ZNF407: variants seen among roughly 807,000 people sequenced by gnomAD.
ZNF407 encodes zinc finger protein 407.
ZNF407 carries 17 observed loss-of-function variants against 131.2 expected under a neutral mutation model. That is an observed-to-expected ratio of 0.13 (90% confidence interval 0.09 to 0.19). The LOEUF (loss-of-function observed/expected upper bound fraction) is 0.19. Ranked by LOEUF, ZNF407 falls within the 10% of genes least tolerant of loss-of-function variation. The pLI, the probability that ZNF407 is intolerant of heterozygous loss-of-function variation, is 1.00. For missense variants in ZNF407, 2,681 were observed against 2,830.6 expected (o/e 0.95, Z 1.20); for synonymous variants, 1,156 against 1,062.0 (o/e 1.09, Z -1.72).
chr18:74,615,869 G>A (rs984970225), intron 1 of ZNF407, among the ~76,000 whole-genome samples: 1 of 146,208 alleles, frequency 6.8e-6, no homozygotes, highest in African/African-American at 2.5e-5. Context: ...TGTTGTTGTT[G>A]TTTTTTTTTT....
At chr18:75,043,876 T>C (rs1273022179) in intron 8 of ZNF407, among the ~76,000 whole-genome samples, 2 of 152,190 alleles carry the variant, frequency 1.3e-5, no homozygotes, top group African/African-American at 4.8e-5. Flanking sequence ...TATAAAAATA[T>C]TTACAGGGGA....
At chr18:74,880,321 A>T (rs1971220317) in intron 5 of ZNF407, among the ~76,000 whole-genome samples, 1 of 152,196 alleles carries the variant, frequency 6.6e-6, no homozygotes, top group African/African-American at 2.4e-5. Flanking sequence ...AGTCTGCCAA[A>T]TCTGTCCCTA....
intron 4 of ZNF407, among the ~76,000 whole-genome samples, chr18:74,791,429 T>C (rs1035367957): frequency 2.0e-5 from 3 of 152,194 alleles, no homozygotes; most frequent in African/African-American, 7.2e-5. Context: ...TTGTGAATAA[T>C]GATTTCTTAG....
chr18:74,632,610 A>G lies in ZNF407; in HGVS notation c.1591A>G (p.Thr531Ala). Residue 531 changes from threonine to alanine, a missense_variant, in exon 2 of 9, where the codon ACA becomes GCA. Transcript: ENST00000299687. The part of the protein sequence containing the change: ...ASGSQTLCAC[T>A]DCGQVATNRT... ...TGGCTCTCAGACGTTGTGTGCTTGTACAGACTGTGGGCAAGTAGCTACAAA... is the reference window on the plus strand; with the variant it reads ...TGGCTCTCAGACGTTGTGTGCTTGTGCAGACTGTGGGCAAGTAGCTACAAA... 3 of 1,614,042 alleles carry G rather than the reference A, an allele frequency of 1.9e-6. No individual in the cohort carries two copies. The highest frequency in any genetic ancestry group is 2.5e-6 in the Non-Finnish European group (3 of 1,179,898).
chr18:74,918,654 T>C (rs1180520763), intron 7 of ZNF407, among the ~76,000 whole-genome samples: 5 of 152,196 alleles, frequency 3.3e-5, no homozygotes, highest in African/African-American at 4.8e-5. Context: ...TGACAGAGCC[T>C]TTGCCCAAAG....
chr18:74,842,691 T>C (rs1324843507), intron 4 of ZNF407, among the ~76,000 whole-genome samples: 1 of 152,050 alleles, frequency 6.6e-6, no homozygotes, highest in Non-Finnish European at 1.5e-5. Flanking sequence ...TTATTTTATA[T>C]ACTATATTGT....
intron 3 of ZNF407, among the ~76,000 whole-genome samples, chr18:74,643,418 C>T (rs1356627844): frequency 1.3e-5 from 2 of 152,004 alleles, no homozygotes; most frequent in East Asian, 3.8e-4. Flanking sequence ...ACAGAAGGTC[C>T]TGCATTATGT....
chr18:74,753,549 A>G (rs927728131), intron 3 of ZNF407, among the ~76,000 whole-genome samples: 12 of 152,196 alleles, frequency 7.9e-5, no homozygotes, highest in African/African-American at 2.9e-4. Context: ...TAGTTTATTG[A>G]GAGTTTTTAG....
Position 75,064,258 on chromosome 18 carries a change from G to A in ZNF407, c.6537G>A (p.Val2179=). Residue 2179 remains valine, a synonymous_variant, in exon 9 of 9, where the codon GTG becomes GTA. Transcript: ENST00000299687. ...TCCTGACAGAGCTGCCCCCAGGGGT[G>A]CAGGACGAGCCGGGCCTGTACTCCC... ...HYILTELPPG[V]QDEPGLYSHT... 6.2e-7 allele frequency: 1 copy of A among 1,605,804 alleles called. No homozygotes were observed. Among genetic ancestry groups the A allele is most frequent in the East Asian group, 2.2e-5 (1 of 44,674 alleles).
chr18:74,808,392 T>C (rs1970145415), intron 4 of ZNF407, among the ~76,000 whole-genome samples: 1 of 152,212 alleles, frequency 6.6e-6, no homozygotes. Flanking sequence ...AGGATTATTG[T>C]AATTACTATT....
intron 8 of ZNF407, among the ~76,000 whole-genome samples, chr18:74,942,881 G>T (rs1018854112): frequency 6.6e-6 from 1 of 151,766 alleles, no homozygotes; most frequent in African/African-American, 2.4e-5. Flanking sequence ...TGCAATATCC[G>T]TATTATTTTG....
At chr18:74,914,838 G>T (rs1230877871) in intron 7 of ZNF407, among the ~76,000 whole-genome samples, 1 of 152,160 alleles carries the variant, frequency 6.6e-6, no homozygotes, top group Admixed American at 6.5e-5. Context: ...GATTGAAGGT[G>T]ACAGTTCTTA....
chr18:74,817,868 C>G (rs1970288972), intron 4 of ZNF407, among the ~76,000 whole-genome samples: 1 of 152,042 alleles, frequency 6.6e-6, no homozygotes, highest in South Asian at 2.1e-4. Context: ...TTTTGTGGAC[C>G]ATTTTAAAGC....
intron 4 of ZNF407, among the ~76,000 whole-genome samples, chr18:74,852,185 ACACACACACACACGCACGCACG>A (rs1568241500): frequency 1.7e-5 from 2 of 118,588 alleles, no homozygotes; most frequent in African/African-American, 6.5e-5. Flanking sequence ...ACACACACAC[ACACACACACACACGCACGCACG>A]CACGCGCACG....
intron 8 of ZNF407, among the ~76,000 whole-genome samples, chr18:74,951,294 A>G (rs953977511): frequency 4.6e-5 from 7 of 152,242 alleles, no homozygotes; most frequent in Non-Finnish European, 1.0e-4. Flanking sequence ...AAGGGAAGGC[A>G]GGAGTAACAA....
At chr18:74,983,907 G>A (rs1972622614) in intron 8 of ZNF407, among the ~76,000 whole-genome samples, 1 of 152,210 alleles carries the variant, frequency 6.6e-6, no homozygotes, top group South Asian at 2.1e-4. Flanking sequence ...TGGAGAGTTA[G>A]CAAAGATGAA....
intron 3 of ZNF407, among the ~76,000 whole-genome samples, chr18:74,748,809 C>T (rs1456317915): frequency 6.6e-6 from 1 of 152,066 alleles, no homozygotes; most frequent in East Asian, 1.9e-4. Context: ...GTTGTGGACC[C>T]TGTTATGTCA....
intron 3 of ZNF407, among the ~76,000 whole-genome samples, chr18:74,666,134 C>A (rs1008042569): frequency 1.3e-5 from 2 of 152,146 alleles, no homozygotes; most frequent in African/African-American, 4.8e-5. Context: ...TGTGTGCACG[C>A]CCCGCAGAAG....
chr18:74,758,308 A>G (rs1969010709), intron 3 of ZNF407, among the ~76,000 whole-genome samples: 1 of 152,046 alleles, frequency 6.6e-6, no homozygotes, highest in African/African-American at 2.4e-5. Context: ...ACACACATGT[A>G]TGTATATGTA....
Sources: gnomAD v4.1 joint callset for allele counts (sites outside exome capture counted in the v4.1 genomes callset) on GRCh38, gnomAD v4.1.1 for gene constraint, MANE v1.5 for transcripts, NCBI Gene and HGNC (gene_info 2026-07-23, HGNC 2026-07-21) for gene names.